ERC2: variants seen among roughly 807,000 people sequenced by gnomAD.
ERC2 encodes the protein ELKS/RAB6-interacting/CAST family member 2.
ERC2 carries 42 observed loss-of-function variants against 114.8 expected under a neutral mutation model. The observed-to-expected ratio is 0.37, with a 90% CI of 0.29 to 0.47. ERC2 has a LOEUF of 0.47. Among genes scored for constraint, ERC2 ranks in the 20% least tolerant of loss-of-function variants. The pLI is 0.99. For missense variants in ERC2, 939 were observed against 1,150.7 expected (o/e 0.82, Z 2.66); for synonymous variants, 454 against 425.5 (o/e 1.07, Z -0.82).
At chr3:56,116,492 A>G (rs549824051) in intron 6 of ERC2, among the ~76,000 whole-genome samples, 45 of 152,332 alleles carry the variant, frequency 3.0e-4, no homozygotes, top group Non-Finnish European at 5.4e-4. Flanking sequence ...GAACAGGTGT[A>G]TGTGCATTGG....
chr3:56,414,135 C>T (rs11925715), intron 2 of ERC2, among the ~76,000 whole-genome samples: 27,847 of 152,098 alleles, frequency 0.18, 3,223 homozygotes, highest in Non-Finnish European at 0.26. Flanking sequence ...GCTCCTCCCC[C>T]GCAAAGCATG....
chr3:56,109,455 C>T (rs1173637737), intron 6 of ERC2, among the ~76,000 whole-genome samples: 5 of 152,128 alleles, frequency 3.3e-5, no homozygotes, highest in Non-Finnish European at 4.4e-5. Flanking sequence ...CATGTCTTTG[C>T]TATTGTGAAT....
At chr3:56,276,736 G>T (rs1476993202) in intron 3 of ERC2, among the ~76,000 whole-genome samples, 4 of 152,188 alleles carry the variant, frequency 2.6e-5, no homozygotes, top group African/African-American at 9.7e-5. Flanking sequence ...TAGTGCAGGG[G>T]TGTCCAATCT....
chr3:55,780,934 C>T (rs543930499), intron 14 of ERC2, among the ~76,000 whole-genome samples: 1 of 152,318 alleles, frequency 6.6e-6, no homozygotes, highest in South Asian at 2.1e-4. Flanking sequence ...AGGGTCAAAA[C>T]CTTTCCACAT....
chr3:55,724,424 G>A (rs1479067174), intron 15 of ERC2, among the ~76,000 whole-genome samples: 1 of 152,160 alleles, frequency 6.6e-6, no homozygotes, highest in Non-Finnish European at 1.5e-5. Flanking sequence ...CACCAATTCA[G>A]GGATAGCTCC....
intron 3 of ERC2, among the ~76,000 whole-genome samples, chr3:56,192,903 T>C (rs1020271474): frequency 2.6e-5 from 4 of 152,214 alleles, no homozygotes; most frequent in African/African-American, 9.6e-5. Context: ...CAGTTTTCCA[T>C]AAGGTCTCCC....
At chr3:55,788,612 T>G in intron 14 of ERC2, among the ~76,000 whole-genome samples, 1 of 152,164 alleles carries the variant, frequency 6.6e-6, no homozygotes. Flanking sequence ...CTTTGGGTAC[T>G]GCAACAATTC....
chr3:55,738,127 C>T (rs938434892), intron 14 of ERC2, among the ~76,000 whole-genome samples: 1 of 152,152 alleles, frequency 6.6e-6, no homozygotes, highest in Admixed American at 6.5e-5. Context: ...CCAGAAGTCT[C>T]TTGTCATCTG....
chr3:55,868,923 A>G (rs760913383), intron 14 of ERC2, among the ~76,000 whole-genome samples: 12 of 152,194 alleles, frequency 7.9e-5, no homozygotes, highest in Non-Finnish European at 1.0e-4. Context: ...GGAGTTTTAA[A>G]TAATATTTTC....
intron 17 of ERC2, among the ~76,000 whole-genome samples, chr3:55,565,156 T>C (rs2107498229): frequency 6.6e-6 from 1 of 152,238 alleles, no homozygotes. Context: ...CAGATTTATA[T>C]CATATAAGAA....
intron 17 of ERC2, among the ~76,000 whole-genome samples, chr3:55,585,795 T>C (rs2057569288): frequency 6.6e-6 from 1 of 152,144 alleles, no homozygotes; most frequent in African/African-American, 2.4e-5. Flanking sequence ...TTTTTGATTA[T>C]TAAGAACACA....
intron 12 of ERC2, among the ~76,000 whole-genome samples, chr3:55,983,624 C>A (rs969821153): frequency 1.3e-5 from 2 of 152,174 alleles, no homozygotes; most frequent in African/African-American, 4.8e-5. Context: ...GGGAGAACTT[C>A]CCATGGAGTC....
intron 7 of ERC2, among the ~76,000 whole-genome samples, chr3:56,026,462 T>C (rs2074058668): frequency 6.6e-6 from 1 of 152,144 alleles, no homozygotes. Flanking sequence ...AGGCAACATA[T>C]AGCTGTCTCC....
At chr3:56,269,769 C>T (rs746776043) in intron 3 of ERC2, among the ~76,000 whole-genome samples, 16 of 152,202 alleles carry the variant, frequency 1.1e-4, no homozygotes, top group African/African-American at 2.4e-4. Context: ...CTGCTCAGAA[C>T]GGTCTATGTG....
At chr3:56,048,154 A>G (rs557956666) in intron 7 of ERC2, among the ~76,000 whole-genome samples, 19 of 152,238 alleles carry the variant, frequency 1.2e-4, no homozygotes, top group Non-Finnish European at 2.4e-4. Context: ...TGGTCTAAAT[A>G]TTAAACCGTA....
chr3:55,551,088 A>C (rs1447311561), intron 17 of ERC2, among the ~76,000 whole-genome samples: 1 of 152,074 alleles, frequency 6.6e-6, no homozygotes, highest in Non-Finnish European at 1.5e-5. Flanking sequence ...CCAGAGAAAC[A>C]GAACCAACAG....
intron 14 of ERC2, among the ~76,000 whole-genome samples, chr3:55,812,411 A>G (rs563920335): frequency 1.1e-4 from 16 of 152,380 alleles, no homozygotes; most frequent in Non-Finnish European, 1.6e-4. Context: ...AAGAATACAT[A>G]ATCAATTATA....
At chr3:56,446,375 C>G (rs568631078) in intron 1 of ERC2, among the ~76,000 whole-genome samples, 7 of 152,132 alleles carry the variant, frequency 4.6e-5, no homozygotes, top group Non-Finnish European at 1.0e-4. Context: ...AGGCTAGAAG[C>G]TTCTGGAGAC....
intron 3 of ERC2, among the ~76,000 whole-genome samples, chr3:56,256,622 C>T (rs989318816): frequency 6.6e-6 from 1 of 151,814 alleles, no homozygotes; most frequent in Non-Finnish European, 1.5e-5. Flanking sequence ...AGCTTTGTGT[C>T]CCCACACAAA....
Sources: gnomAD v4.1 joint callset for allele counts (sites outside exome capture counted in the v4.1 genomes callset) on GRCh38, gnomAD v4.1.1 for gene constraint, MANE v1.5 for transcripts, NCBI Gene and HGNC (gene_info 2026-07-23, HGNC 2026-07-21) for gene names.